The following MYO18B variants were observed in gnomAD, a reference collection of about 807,000 sequenced individuals.
The protein encoded by MYO18B is unconventional myosin-XVIIIb.
A neutral mutation model predicts 273.0 loss-of-function variants in MYO18B; 204 were observed. The ratio of observed to expected loss-of-function variants is 0.75; its 90% CI spans 0.67 to 0.84. The LOEUF is 0.84. Among genes scored for constraint, MYO18B ranks in the 40% least tolerant of loss-of-function variants. MYO18B has a pLI of 0.00. For missense variants in MYO18B, 3,212 were observed against 3,287.6 expected, an observed-to-expected ratio of 0.98 and a Z score of 0.56; for synonymous variants, 1,330 against 1,305.7, an observed-to-expected ratio of 1.02 and a Z score of -0.40.
At chr22:25,860,681 G>A (rs1013384362) in intron 21 of MYO18B, among the ~76,000 whole-genome samples, 1 of 152,002 alleles carries the variant, frequency 6.6e-6, no homozygotes, top group Non-Finnish European at 1.5e-5. Context: ...TTTAGTTTGA[G>A]AACATATGTT....
rs530791610 is a variant in MYO18B at position 25,801,210 on chromosome 22, A to G, written c.2521+3113A>G. On this transcript the variant is annotated intron_variant, in intron 12 of 43. Transcript: ENST00000335473. ...TTCCTAACTAATTCTGAGAGCCCCA[A>G]TCCTGTTTTTAAAAATCAATAATAG... Among the ~76,000 whole-genome samples, 124 of 151,510 alleles carry G rather than the reference A, an allele frequency of 8.2e-4. 3 individuals are homozygous for G. In the South Asian group the frequency reaches 0.025, roughly 31 times the overall value.
At chr22:25,881,134 G>A (rs147603440) in intron 25 of MYO18B, among the ~76,000 whole-genome samples, 73 of 152,372 alleles carry the variant, frequency 4.8e-4, no homozygotes, top group African/African-American at 1.5e-3. Flanking sequence ...GCCTGAGATG[G>A]CTCATGTGGG....
chr22:25,964,932 A>G (rs1373325719), intron 39 of MYO18B: 3 of 152,346 alleles, frequency 2.0e-5, no homozygotes, highest in Non-Finnish European at 2.9e-5. Flanking sequence ...AAAAACCGGT[A>G]GCGGTTCCAG....
At chr22:25,836,129 A>G (rs117854317) in intron 17 of MYO18B, among the ~76,000 whole-genome samples, 3,514 of 152,146 alleles carry the variant, frequency 0.023, 44 homozygotes, top group Admixed American at 0.038. Context: ...TGGAAGGGGG[A>G]GCAAGAGGGG....
At position 25,950,767 on chromosome 22, in the gene MYO18B, C is replaced by T. The variant is rs182546193; in HGVS notation, c.5832+317C>T. Among the ~76,000 whole-genome samples the T allele has an allele frequency of 3.3e-5, 5 of 152,112 alleles. No homozygotes were observed. In the East Asian group the frequency reaches 7.8e-4, roughly 24 times the overall value. ...TTGTTTTTTAAGTAGAGACGGGGTT[C>T]TACCATGTTGGTTAGGCTGGTCTCT... On this transcript the variant is annotated intron_variant, in intron 37 of 43. Transcript: ENST00000335473.
At chr22:25,799,656 C>T (rs1173469178) in intron 12 of MYO18B, among the ~76,000 whole-genome samples, 2 of 152,204 alleles carry the variant, frequency 1.3e-5, no homozygotes, top group African/African-American at 4.8e-5. Flanking sequence ...GGTGCTGGTG[C>T]ATCCTTTCCG....
intron 21 of MYO18B, among the ~76,000 whole-genome samples, chr22:25,862,642 T>G: frequency 6.6e-6 from 1 of 152,202 alleles, no homozygotes; most frequent in Admixed American, 6.5e-5. Flanking sequence ...ACTTCTAACA[T>G]GTAATCTCAC....
chr22:25,813,799 T>C (rs1344729288), intron 12 of MYO18B, among the ~76,000 whole-genome samples: 1 of 152,156 alleles, frequency 6.6e-6, no homozygotes, highest in African/African-American at 2.4e-5. Context: ...GAGATTTCAT[T>C]GATCCATCCT....
intron 30 of MYO18B, 136 bp from the exon 31 acceptor site, chr22:25,903,495 G>T (rs1270422011): frequency 2.4e-6 from 2 of 843,476 alleles, no homozygotes; most frequent in Non-Finnish European, 3.7e-6. Flanking sequence ...GAGGGACGGT[G>T]GGGTCCAGGT....
At chr22:26,020,680 A>T (rs1601849136) in intron 42 of MYO18B, among the ~76,000 whole-genome samples, 1 of 152,054 alleles carries the variant, frequency 6.6e-6, no homozygotes, top group African/African-American at 2.4e-5. Flanking sequence ...AGTGGCTTCC[A>T]CTCTTAAATA....
chr22:25,781,215 A>G (rs951193293), intron 9 of MYO18B, among the ~76,000 whole-genome samples: 1 of 152,216 alleles, frequency 6.6e-6, no homozygotes, highest in Admixed American at 6.5e-5. Flanking sequence ...TGCATTAGTT[A>G]ATTTCCTAGG....
chr22:25,826,841 C>T (rs1482147185), intron 14 of MYO18B, among the ~76,000 whole-genome samples: 1 of 152,110 alleles, frequency 6.6e-6, no homozygotes, highest in Non-Finnish European at 1.5e-5. Flanking sequence ...AGGAGGATCA[C>T]CTGAGATCAG....
chr22:25,878,252 G>A (rs2091254951), intron 25 of MYO18B, among the ~76,000 whole-genome samples: 1 of 152,156 alleles, frequency 6.6e-6, no homozygotes, highest in Admixed American at 6.5e-5. Context: ...CTTCCTCGAG[G>A]CTGCACAACC....
chr22:25,946,309 G>T (rs2092712381), intron 35 of MYO18B, 59 bp downstream of exon 35: 1 of 1,238,560 alleles, frequency 8.1e-7, no homozygotes, highest in African/African-American at 1.5e-5. Flanking sequence ...CTGGGAGCTA[G>T]TGTGGGCCTA....
intron 22 of MYO18B, 35 bp from the exon 23 acceptor site, chr22:25,874,251 G>T (rs375669841): frequency 6.2e-7 from 1 of 1,611,870 alleles, no homozygotes; most frequent in Non-Finnish European, 8.5e-7. Flanking sequence ...GCCTTCTTCA[G>T]CAGAGGACTC....
chr22:25,995,083 C>T (rs754777165), intron 40 of MYO18B, among the ~76,000 whole-genome samples: 8 of 152,082 alleles, frequency 5.3e-5, no homozygotes, highest in Non-Finnish European at 1.0e-4. Context: ...GATGCGTATA[C>T]ACGATAGAGT....
chr22:26,024,831 C>T (rs1288619361), intron 42 of MYO18B, among the ~76,000 whole-genome samples: 1 of 152,190 alleles, frequency 6.6e-6, no homozygotes, highest in Non-Finnish European at 1.5e-5. Context: ...CTTCTGGCTG[C>T]TATAACAAGA....
chr22:25,857,474 A>G (rs920577141), intron 21 of MYO18B, among the ~76,000 whole-genome samples: 3 of 138,920 alleles, frequency 2.2e-5, no homozygotes, highest in African/African-American at 7.7e-5. Flanking sequence ...TTTCCTGTGA[A>G]TTCATCTCAA....
chr22:25,917,614 G>C (rs1043414541), intron 33 of MYO18B, among the ~76,000 whole-genome samples: 3 of 148,340 alleles, frequency 2.0e-5, no homozygotes, highest in African/African-American at 7.4e-5. Context: ...TAAACAGCTG[G>C]ATAATTTTAA....
Sources: gnomAD v4.1 joint callset for allele counts (sites outside exome capture counted in the v4.1 genomes callset) on GRCh38, gnomAD v4.1.1 for gene constraint, MANE v1.5 for transcripts, NCBI Gene and HGNC (gene_info 2026-07-23, HGNC 2026-07-21) for gene names.